TTC13: variants seen among roughly 807,000 people sequenced by gnomAD.
TTC13 encodes tetratricopeptide repeat protein 13.
Under a neutral mutation model 120.0 loss-of-function variants are expected in TTC13, and 62 were observed. The ratio of observed to expected loss-of-function variants is 0.52; its 90% CI spans 0.42 to 0.64. The LOEUF (loss-of-function observed/expected upper bound fraction) is 0.64. TTC13 is among the 30% of genes least tolerant of loss of function. The pLI, the probability that TTC13 is intolerant of heterozygous loss-of-function variation, is 0.00. For missense variants in TTC13, 824 were observed against 1,050.2 expected (o/e 0.78, Z 2.98); for synonymous variants, 384 against 393.5 (o/e 0.98, Z 0.28).
chr1:230,954,980 C>T (rs556300757), intron 3 of TTC13, among the ~76,000 whole-genome samples: 13 of 152,274 alleles, frequency 8.5e-5, no homozygotes, highest in African/African-American at 2.6e-4. Flanking sequence ...ATAGTCAAAA[C>T]GCTACTCAAA....
Position 230,933,865 on chromosome 1 carries a change from T to C in TTC13, c.901-4A>G, listed in dbSNP as rs752281074. On this transcript the variant is annotated splice_polypyrimidine_tract_variant and splice_region_variant and intron_variant, in intron 8 of 22. Transcript: ENST00000366661. Reference sequence around the variant, plus strand: ...CTTTGAAGGATTCAATAGCTTCCTATAAAAAGTGTAGAGAAAATTATTTCA... The same window carrying C: ...CTTTGAAGGATTCAATAGCTTCCTACAAAAAGTGTAGAGAAAATTATTTCA... The C allele has an allele frequency of 6.4e-7, 1 of 1,568,290 alleles. No individual in the cohort carries two copies. The highest frequency in any genetic ancestry group is 8.7e-7 in the Non-Finnish European group (1 of 1,154,062).
chr1:230,958,101 G>T, intron 3 of TTC13, 123 bp downstream of exon 3: 1 of 878,500 alleles, frequency 1.1e-6, no homozygotes, highest in Non-Finnish European at 1.7e-6. Flanking sequence ...CTCCATGCAA[G>T]ATCAAACAGC....
intron 1 of TTC13, among the ~76,000 whole-genome samples, chr1:230,970,464 G>T (rs1331016018): frequency 6.6e-6 from 1 of 152,166 alleles, no homozygotes; most frequent in African/African-American, 2.4e-5. Flanking sequence ...GCTGACGGAA[G>T]ACAAGAGGAA....
intron 1 of TTC13, among the ~76,000 whole-genome samples, chr1:230,963,079 T>C (rs898133598): frequency 1.3e-5 from 2 of 152,180 alleles, no homozygotes; most frequent in African/African-American, 4.8e-5. Flanking sequence ...TTCACCTTGA[T>C]AGATTATTGC....
At chr1:230,957,126 A>C (rs1676161927) in intron 3 of TTC13, among the ~76,000 whole-genome samples, 1 of 152,238 alleles carries the variant, frequency 6.6e-6, no homozygotes, top group Non-Finnish European at 1.5e-5. Context: ...GATGCCTTAA[A>C]GGGCAGTCCT....
chr1:230,923,917 G>C lies in TTC13; in HGVS notation c.1738C>G (p.Gln580Glu), dbSNP rs750126540. 1.9e-5 allele frequency: 30 copies of C among 1,613,504 alleles called. No homozygotes were observed. Among genetic ancestry groups the C allele is most frequent in the Non-Finnish European group, 2.5e-5 (30 of 1,179,618 alleles). Reference protein sequence around the residue: ...VKWRRIADPDQPVLWLDQMPA... With the variant: ...VKWRRIADPDEPVLWLDQMPA... ...ATTTGATCTAACCACAGCACGGGCTGGTCTGGGTCAGCAATCCTATAAAAC... is the reference window on the plus strand; with the variant it reads ...ATTTGATCTAACCACAGCACGGGCTCGTCTGGGTCAGCAATCCTATAAAAC... Residue 580 changes from glutamine (Q) to glutamate (E), a missense_variant, in exon 15 of 23, where the codon CAG becomes GAG. This residue lies in a region of TTC13 where 430 missense variants were observed against 626.8 expected (regional missense o/e 0.69). Coordinates refer to ENST00000366661, the MANE Select transcript of TTC13 (RefSeq NM_024525.5).
intron 1 of TTC13, among the ~76,000 whole-genome samples, chr1:230,971,722 G>A (rs1397090648): frequency 1.3e-5 from 2 of 152,064 alleles, no homozygotes; most frequent in African/African-American, 4.8e-5. Context: ...CATATGTAAA[G>A]AATCAAAAGA....
At position 230,945,377 on chromosome 1, in the gene TTC13, T is replaced by C. The variant is rs372679820; in HGVS notation, c.579+12A>G. Reference sequence around the variant, plus strand: ...GTAGGCGCTATGGCAATCGTAACTATTACATACTCACATGTAGTCCCTTCT... The same window carrying C: ...GTAGGCGCTATGGCAATCGTAACTACTACATACTCACATGTAGTCCCTTCT... On this transcript the variant is annotated intron_variant, in intron 5 of 22. Transcript: ENST00000366661. The C allele has an allele frequency of 1.9e-6, 3 of 1,612,852 alleles. No individual in the cohort carries two copies. Among genetic ancestry groups the C allele is most frequent in the Non-Finnish European group, 2.5e-6 (3 of 1,178,958 alleles).
intron 6 of TTC13, 124 bp downstream of exon 6, chr1:230,943,682 C>T (rs988006318): frequency 2.9e-6 from 2 of 681,428 alleles, no homozygotes; most frequent in Non-Finnish European, 4.8e-6. Flanking sequence ...GCATTAAGTA[C>T]CGACATAGAA....
intron 1 of TTC13, among the ~76,000 whole-genome samples, chr1:230,963,839 AAAG>A (rs1164196752): frequency 6.6e-6 from 1 of 152,022 alleles, no homozygotes; most frequent in Non-Finnish European, 1.5e-5. Flanking sequence ...TGGAAAAGAA[AAAG>A]TATGAGTTTG....
chr1:230,969,219 G>A (rs1399338006), intron 1 of TTC13, among the ~76,000 whole-genome samples: 2 of 151,882 alleles, frequency 1.3e-5, no homozygotes, highest in African/African-American at 2.4e-5. Flanking sequence ...CCGAGATTGC[G>A]CCACTGCACT....
chr1:230,946,421 A>C (rs1471251255), intron 4 of TTC13, among the ~76,000 whole-genome samples: 3 of 152,202 alleles, frequency 2.0e-5, no homozygotes, highest in Non-Finnish European at 4.4e-5. Flanking sequence ...TGATGAGTAA[A>C]TGGGAAAAAA....
chr1:230,968,332 T>A (rs78540753), intron 1 of TTC13, among the ~76,000 whole-genome samples: 35 of 145,564 alleles, frequency 2.4e-4, no homozygotes, highest in South Asian at 9.5e-4. Flanking sequence ...ATTCTTTTTT[T>A]AAAAAAACAA....
chr1:230,961,478 G>A (rs1676635422), intron 1 of TTC13, among the ~76,000 whole-genome samples, 175 bp from the exon 2 acceptor site: 1 of 152,198 alleles, frequency 6.6e-6, no homozygotes, highest in Admixed American at 6.5e-5. Context: ...CAGCAACTCA[G>A]GAGGCTCGCT....
At chr1:230,921,230 G>A (rs1672547004) in intron 16 of TTC13, among the ~76,000 whole-genome samples, 191 bp downstream of exon 16, 1 of 152,154 alleles carries the variant, frequency 6.6e-6, no homozygotes, top group African/African-American at 2.4e-5. Flanking sequence ...AAACACTTCA[G>A]TTGAGGTCTG....
In TTC13 at chr1:230,978,583, T is replaced by TC; in HGVS notation, c.247dup (p.Asp83GlyfsTer17). On this transcript the variant is annotated frameshift_variant, in exon 1 of 23. Coordinates refer to ENST00000366661, the MANE Select transcript of TTC13 (RefSeq NM_024525.5). LOFTEE classifies it high-confidence loss of function. The surrounding 1 kb of genome is among the most constrained non-coding windows in gnomAD (Gnocchi z 5.6). The stretch of plus-strand genomic sequence containing the variant: ...ACCGCCGCACTCGGCAGAGTACTGG[T>TC]CCCCCCAGTCCCCGGACTGCGGGCT... 5 of 1,323,916 alleles carry TC rather than the reference T, an allele frequency of 3.8e-6. No homozygotes were observed. Among genetic ancestry groups the TC allele is most frequent in the Non-Finnish European group, 5.0e-6 (5 of 993,232 alleles). The allele number at this position is 1,323,916 out of a possible 1,614,324, so 82.0% of individuals were successfully genotyped here.
intron 9 of TTC13, 126 bp from the exon 10 acceptor site, chr1:230,932,003 C>T (rs1673606950): frequency 2.3e-6 from 2 of 856,188 alleles, no homozygotes; most frequent in Non-Finnish European, 1.8e-6. Context: ...CCCTTTGTTG[C>T]TTTTTTATAG....
intron 1 of TTC13, among the ~76,000 whole-genome samples, chr1:230,976,091 T>C (rs2103020422): frequency 6.6e-6 from 1 of 152,330 alleles, no homozygotes; most frequent in East Asian, 1.9e-4. Context: ...TGAAAAGTGG[T>C]TGTGCTGCTG....
chr1:230,926,812 T>C (rs1183460960), intron 12 of TTC13, among the ~76,000 whole-genome samples: 1 of 152,218 alleles, frequency 6.6e-6, no homozygotes, highest in African/African-American at 2.4e-5. Context: ...TTACCCAGTT[T>C]AAGAACTAGA....
Sources: allele counts gnomAD v4.1 joint callset (sites outside exome capture counted in the v4.1 genomes callset), GRCh38; gene constraint gnomAD v4.1.1; regional missense constraint gnomAD v4.1.1; non-coding constraint Gnocchi (gnomAD v3.1); transcripts MANE v1.5; gene names NCBI Gene and HGNC (gene_info 2026-07-23, HGNC 2026-07-21).